The following F13A1 variants were observed in gnomAD, a reference collection of about 807,000 sequenced individuals.
The protein encoded by F13A1 is coagulation factor XIII A chain, also known as FSF, A subunit.
F13A1 carries 47 observed loss-of-function variants against 80.1 expected under a neutral mutation model. The observed-to-expected ratio is 0.59, with a 90% confidence interval of 0.46 to 0.75. F13A1 has a LOEUF of 0.75. Among genes scored for constraint, F13A1 ranks in the 30% least tolerant of loss-of-function variants. The probability of loss-of-function intolerance (pLI) is 0.00; values close to 1 mark genes in which losing one functional copy is unlikely to be tolerated. For synonymous variants in F13A1, 349 were observed against 344.9 expected, an observed-to-expected ratio of 1.01 and a Z score of -0.13; for missense variants, 817 against 930.4, an observed-to-expected ratio of 0.88 and a Z score of 1.59.
intron 8 of F13A1, among the ~76,000 whole-genome samples, chr6:6,211,288 C>T (rs1418711936): frequency 6.6e-6 from 1 of 152,236 alleles, no homozygotes; most frequent in Non-Finnish European, 1.5e-5. Flanking sequence ...TTTTCCAACA[C>T]TATTGTGTGC....
chr6:6,285,690 C>T (rs1184154237), intron 3 of F13A1, among the ~76,000 whole-genome samples: 3 of 152,342 alleles, frequency 2.0e-5, no homozygotes, highest in East Asian at 1.9e-4. Flanking sequence ...TCCCCCACTA[C>T]GCACACACCA....
At chr6:6,233,829 CAG>C (rs1456893145) in intron 6 of F13A1, among the ~76,000 whole-genome samples, 1 of 152,080 alleles carries the variant, frequency 6.6e-6, no homozygotes, top group African/African-American at 2.4e-5. Flanking sequence ...ACCATATAAA[CAG>C]AATTAAAAAC....
chr6:6,174,461 A>G lies in F13A1; in HGVS notation c.1747+119T>C. 2.7e-6 allele frequency: 3 copies of G among 1,118,938 alleles called. No individual in the cohort carries two copies. The South Asian group carries it at 3.8e-5, about 14-fold the overall frequency. 69.3% of individuals were successfully genotyped at this position (1,118,938 alleles called of 1,614,324 possible). A position where few individuals can be genotyped will look rare whatever the true frequency, so the allele number is the denominator to read the frequency against. On this transcript the variant is annotated intron_variant, in intron 12 of 14. Coordinates refer to ENST00000264870, the MANE Select transcript of F13A1 (RefSeq NM_000129.4). ...AGTGGGTTCTCCCTGTGAGGCTCAC[A>G]CTTCTGAGATCTTGGAGGGAACTTT... is the stretch of plus-strand genomic sequence containing the variant.
At chr6:6,225,043 G>A (rs553027462) in intron 6 of F13A1, among the ~76,000 whole-genome samples, 183 bp from the exon 7 acceptor site, 6 of 152,294 alleles carry the variant, frequency 3.9e-5, no homozygotes, top group South Asian at 2.1e-4. Flanking sequence ...AACTAAATAC[G>A]CAAGAGGAGA....
intron 6 of F13A1, among the ~76,000 whole-genome samples, chr6:6,229,707 C>G (rs1193136659): frequency 6.6e-6 from 1 of 152,152 alleles, no homozygotes; most frequent in African/African-American, 2.4e-5. Flanking sequence ...GAGAGGACCA[C>G]AGACTCTCTG....
chr6:6,283,341 G>T (rs1758092062), intron 3 of F13A1, among the ~76,000 whole-genome samples: 1 of 152,194 alleles, frequency 6.6e-6, no homozygotes, highest in Admixed American at 6.5e-5. Context: ...AGCTTCTGTT[G>T]CTATAAGGTA....
chr6:6,300,241 T>A (rs367787365), intron 3 of F13A1, among the ~76,000 whole-genome samples: 51 of 146,108 alleles, frequency 3.5e-4, no homozygotes, highest in African/African-American at 9.5e-4. Flanking sequence ...AGAGGCAGGC[T>A]GGCCTCCTTG....
At chr6:6,273,957 G>A (rs1200072408) in intron 3 of F13A1, among the ~76,000 whole-genome samples, 1 of 152,208 alleles carries the variant, frequency 6.6e-6, no homozygotes, top group South Asian at 2.1e-4. Context: ...GCAACTAAGA[G>A]GAGAGAAACA....
intron 8 of F13A1, among the ~76,000 whole-genome samples, chr6:6,213,584 G>A (rs200078760): frequency 6.8e-6 from 1 of 146,068 alleles, no homozygotes; most frequent in Non-Finnish European, 1.5e-5. Flanking sequence ...ATGCCAAAAT[G>A]TAAAGACCAT....
intron 6 of F13A1, among the ~76,000 whole-genome samples, chr6:6,233,856 C>A (rs1164778097): frequency 6.6e-6 from 1 of 152,054 alleles, no homozygotes; most frequent in African/African-American, 2.4e-5. Flanking sequence ...ATCACATGAT[C>A]ATCTCAATAG....
At position 6,175,710 on chromosome 6, in the gene F13A1, G is replaced by A. The variant is rs1051608057; in HGVS notation, c.1460-843C>T. Among the ~76,000 whole-genome samples, 4 of 152,282 alleles carry A rather than the reference G, an allele frequency of 2.6e-5. No individual in the cohort carries two copies. The Middle Eastern group carries it at 0.01, about 388-fold the overall frequency. ...TTTCCCAAACTCATCTGACACGGAG[G>A]GCAGTTTTTTGAGGGACATCTGTTG... is the stretch of plus-strand genomic sequence containing the variant. On this transcript the variant is annotated intron_variant, in intron 11 of 14. Transcript: ENST00000264870.
At chr6:6,157,664 G>A (rs1760499950) in intron 13 of F13A1, among the ~76,000 whole-genome samples, 1 of 152,112 alleles carries the variant, frequency 6.6e-6, no homozygotes, top group African/African-American at 2.4e-5. Flanking sequence ...TTGGGGCCTT[G>A]ATATATATTA....
At chr6:6,285,627 T>C (rs752744641) in intron 3 of F13A1, among the ~76,000 whole-genome samples, 44 of 152,302 alleles carry the variant, frequency 2.9e-4, no homozygotes, top group Admixed American at 5.9e-4. Context: ...AATGAGTAAA[T>C]ACCTATGCTA....
rs556811761 is a variant in F13A1 at position 6,239,632 on chromosome 6, C to T, written c.798+8680G>A. ...CCACAGGAAATTATTAACCTTGTCT[C>T]TCTCAGTATCTGAGGATGCTCATTT... On this transcript the variant is annotated intron_variant, in intron 6 of 14. Transcript: ENST00000264870. Among the ~76,000 whole-genome samples the T allele has an allele frequency of 2.0e-5, 3 of 152,262 alleles. 1 individual carries two copies. The highest frequency in any genetic ancestry group is 4.8e-5 in the African/African-American group (2 of 41,540).
chr6:6,159,003 G>A lies in F13A1; in HGVS notation c.1909-7054C>T, dbSNP rs192439568. On this transcript the variant is annotated intron_variant, in intron 13 of 14. Transcript: ENST00000264870. ...TGCAAGCTCTGCCTCCCAGGTTCAC[G>A]CCATTCTCCTGCCTCAGCCTCCCGA... is the stretch of plus-strand genomic sequence containing the variant. Among the ~76,000 whole-genome samples, 55 of 150,712 alleles carry A rather than the reference G, an allele frequency of 3.6e-4. 1 individual carries two copies. The highest frequency in any genetic ancestry group is 7.2e-4 in the Non-Finnish European group (49 of 67,830).
At chr6:6,276,747 G>T (rs558122029) in intron 3 of F13A1, among the ~76,000 whole-genome samples, 1 of 152,082 alleles carries the variant, frequency 6.6e-6, no homozygotes, top group Non-Finnish European at 1.5e-5. Flanking sequence ...CAGAAGATGA[G>T]GATTAAACAA....
At chr6:6,229,015 G>T (rs1757315497) in intron 6 of F13A1, among the ~76,000 whole-genome samples, 1 of 152,180 alleles carries the variant, frequency 6.6e-6, no homozygotes, top group Non-Finnish European at 1.5e-5. Flanking sequence ...TAATACTGTA[G>T]TCCTCACTCC....
chr6:6,217,218 C>G (rs1181427439), intron 8 of F13A1, among the ~76,000 whole-genome samples: 1 of 151,962 alleles, frequency 6.6e-6, no homozygotes, highest in African/African-American at 2.4e-5. Context: ...GCTATAAAGA[C>G]ACATGCACAC....
intron 6 of F13A1, 111 bp downstream of exon 6, chr6:6,248,201 G>T: frequency 1.1e-6 from 1 of 913,552 alleles, no homozygotes; most frequent in Non-Finnish European, 1.8e-6. Flanking sequence ...TCTTACAAAT[G>T]AAAGTTTATT....
Sources: allele counts gnomAD v4.1 joint callset (sites outside exome capture counted in the v4.1 genomes callset), GRCh38; gene constraint gnomAD v4.1.1; transcripts MANE v1.5; gene names NCBI Gene and HGNC (gene_info 2026-07-23, HGNC 2026-07-21).